CACNB2: variants seen among roughly 807,000 people sequenced by gnomAD.
CACNB2 encodes the protein voltage-dependent L-type calcium channel subunit beta-2.
In CACNB2, 42 loss-of-function variants were observed where a neutral mutation model predicts 73.3. That is an observed-to-expected ratio of 0.57 (90% CI 0.45 to 0.74). The LOEUF (loss-of-function observed/expected upper bound fraction) is 0.74. CACNB2 is among the 30% of genes least tolerant of loss of function. The pLI, the probability that CACNB2 is intolerant of heterozygous loss-of-function variation, is 0.00. For missense variants in CACNB2, 940 were observed against 853.0 expected, an observed-to-expected ratio of 1.10 and a Z score of -1.27; for synonymous variants, 348 against 310.3, an observed-to-expected ratio of 1.12 and a Z score of -1.28.
At chr10:18,473,949 G>C (rs1355344343) in intron 3 of CACNB2, among the ~76,000 whole-genome samples, 1 of 152,182 alleles carries the variant, frequency 6.6e-6, no homozygotes, top group African/African-American at 2.4e-5. Context: ...TGCTCTCTGT[G>C]ACCTTGAGTG....
chr10:18,304,048 C>T (rs2039632997), intron 2 of CACNB2, among the ~76,000 whole-genome samples: 1 of 152,196 alleles, frequency 6.6e-6, no homozygotes, highest in Admixed American at 6.5e-5. Context: ...CTCAAACTTC[C>T]AGGCTCCATC....
chr10:18,150,523 C>T (rs918436638), intron 1 of CACNB2, among the ~76,000 whole-genome samples: 2 of 152,100 alleles, frequency 1.3e-5, no homozygotes, highest in African/African-American at 4.8e-5. Context: ...ATTAGCCAGA[C>T]GTGGTGGCAC....
intron 2 of CACNB2, among the ~76,000 whole-genome samples, chr10:18,358,537 T>TGGAGCTG (rs2042018485): frequency 2.9e-5 from 1 of 34,362 alleles, no homozygotes; most frequent in African/African-American, 1.0e-4. Context: ...TCTCTCTCTC[T>TGGAGCTG]CTCTCTCTCT....
At chr10:18,227,102 G>A (rs558419060) in intron 2 of CACNB2, among the ~76,000 whole-genome samples, 7 of 152,128 alleles carry the variant, frequency 4.6e-5, no homozygotes, top group Non-Finnish European at 1.0e-4. Context: ...AAAACAACAC[G>A]TTTTCTGAAA....
At position 18,179,443 on chromosome 10, in the gene CACNB2, G is replaced by A. The variant is rs7898905; in HGVS notation, c.213+28468G>A. Among the ~76,000 whole-genome samples, 266 of 152,274 alleles carry A rather than the reference G, an allele frequency of 1.7e-3. 5 individuals carry two copies. Among genetic ancestry groups the A allele is most frequent in the South Asian group, 7.5e-3 (36 of 4,820 alleles). ...CCATTATGTTCTTTCCATTTAGTCT[G>A]TAACTTACCTGGTCATTGCTGAATA... On this transcript the variant is annotated intron_variant, in intron 2 of 13. Transcript: ENST00000324631.
chr10:18,259,083 C>T (rs368033467), intron 2 of CACNB2, among the ~76,000 whole-genome samples: 13 of 152,186 alleles, frequency 8.5e-5, no homozygotes, highest in East Asian at 3.9e-4. Flanking sequence ...AGAATTTTCA[C>T]AGACTATGTA....
At chr10:18,277,874 C>T (rs961749137) in intron 2 of CACNB2, among the ~76,000 whole-genome samples, 8 of 152,118 alleles carry the variant, frequency 5.3e-5, no homozygotes, top group Non-Finnish European at 1.2e-4. Context: ...CTGAGTCAAT[C>T]TGTTATCCTC....
At chr10:18,370,933 A>G (rs2042555360) in intron 2 of CACNB2, among the ~76,000 whole-genome samples, 1 of 152,204 alleles carries the variant, frequency 6.6e-6, no homozygotes, top group African/African-American at 2.4e-5. Context: ...CACATGGTGA[A>G]CATTCTCTTA....
In CACNB2 at chr10:18,443,025, T is replaced by C. The variant is rs1213269652; in HGVS notation, c.333+40982T>C. ...GTATATATATATATGTATATATATA[T>C]ATATATATATAAATAAGGAACTTAA... On this transcript the variant is annotated intron_variant, in intron 3 of 13. Coordinates refer to ENST00000324631, the MANE Select transcript of CACNB2 (RefSeq NM_201596.3). Among the ~76,000 whole-genome samples, 103 of 127,254 alleles carry C rather than the reference T, an allele frequency of 8.1e-4. 9 individuals carry two copies. Among genetic ancestry groups the C allele is most frequent in the African/African-American group, 2.3e-3 (79 of 34,580 alleles). 83.5% of individuals were successfully genotyped at this position (127,254 alleles called of 152,430 possible).
rs908047945 is a variant in CACNB2, at chr10:18,337,215, G to A, written c.214-64709G>A. On this transcript the variant is annotated intron_variant, in intron 2 of 13. Transcript: ENST00000324631. ...CGTAATCTTGGCTCACTGCCCCCTC[G>A]ACTTCCTGGAGTCAAGCAATCCTCC... Among the ~76,000 whole-genome samples, 9 of 151,750 alleles carry A rather than the reference G, an allele frequency of 5.9e-5. No homozygotes were observed. The South Asian group carries it at 1.2e-3, about 21-fold the overall frequency.
At chr10:18,310,347 C>T (rs575490896) in intron 2 of CACNB2, among the ~76,000 whole-genome samples, 9 of 151,240 alleles carry the variant, frequency 6.0e-5, no homozygotes, top group South Asian at 2.1e-4. Context: ...GGCTCACGCC[C>T]GTAATCCCAA....
At chr10:18,147,384 GT>G (rs756091705) in intron 1 of CACNB2, among the ~76,000 whole-genome samples, 21 of 149,822 alleles carry the variant, frequency 1.4e-4, no homozygotes, top group East Asian at 3.9e-4. Context: ...AAATATAAGA[GT>G]TTTTTTTTTC....
At chr10:18,464,548 C>A (rs200454449) in intron 3 of CACNB2, among the ~76,000 whole-genome samples, 2 of 152,106 alleles carry the variant, frequency 1.3e-5, no homozygotes, top group East Asian at 3.9e-4. Context: ...AATCGGAGCA[C>A]CTGATTGCCC....
At chr10:18,322,433 G>A (rs1412970578) in intron 2 of CACNB2, among the ~76,000 whole-genome samples, 1 of 152,136 alleles carries the variant, frequency 6.6e-6, no homozygotes, top group Admixed American at 6.6e-5. Flanking sequence ...AACACAATCA[G>A]TAATTTGTTT....
chr10:18,342,047 C>T (rs774980269), intron 2 of CACNB2, among the ~76,000 whole-genome samples: 1 of 152,084 alleles, frequency 6.6e-6, no homozygotes, highest in African/African-American at 2.4e-5. Context: ...ATGTCACGCC[C>T]ACCTATCAAA....
chr10:18,502,720 A>T (rs977090471), intron 5 of CACNB2, among the ~76,000 whole-genome samples: 2 of 140,426 alleles, frequency 1.4e-5, no homozygotes, highest in Non-Finnish European at 3.1e-5. Context: ...AAAAAAAAAA[A>T]AAAACCGCAT....
At chr10:18,511,969 A>G (rs1305170641) in intron 6 of CACNB2, among the ~76,000 whole-genome samples, 4 of 152,220 alleles carry the variant, frequency 2.6e-5, no homozygotes, top group Non-Finnish European at 5.9e-5. Flanking sequence ...TTTTAATCTT[A>G]AAAATAAGAG....
At chr10:18,429,644 T>C (rs2045775647) in intron 3 of CACNB2, among the ~76,000 whole-genome samples, 1 of 132,768 alleles carries the variant, frequency 7.5e-6, no homozygotes, top group South Asian at 2.4e-4. Context: ...TTGGGCAACA[T>C]AGCAAGACTC....
At chr10:18,465,577 G>A (rs1204844548) in intron 3 of CACNB2, among the ~76,000 whole-genome samples, 1 of 152,050 alleles carries the variant, frequency 6.6e-6, no homozygotes, top group African/African-American at 2.4e-5. Context: ...ACCTTCATGT[G>A]GTCCTGGTTA....
Sources: gnomAD v4.1 joint callset for allele counts (sites outside exome capture counted in the v4.1 genomes callset) on GRCh38, gnomAD v4.1.1 for gene constraint, MANE v1.5 for transcripts, NCBI Gene and HGNC (gene_info 2026-07-23, HGNC 2026-07-21) for gene names.